SLC4A8: variants seen among roughly 807,000 people sequenced by gnomAD.
SLC4A8 encodes the protein electroneutral sodium bicarbonate exchanger 1.
In SLC4A8, 40 loss-of-function variants were observed where a neutral mutation model predicts 125.0. The observed-to-expected ratio is 0.32, with a 90% CI of 0.25 to 0.42. SLC4A8 has a LOEUF of 0.42. SLC4A8 is among the 10% of genes least tolerant of loss of function. The pLI is 1.00. For missense variants in SLC4A8, 863 were observed against 1,355.1 expected, an observed-to-expected ratio of 0.64 and a Z score of 5.70; for synonymous variants, 456 against 476.0, an observed-to-expected ratio of 0.96 and a Z score of 0.55.
At position 51,457,401 on chromosome 12, in the gene SLC4A8, A is replaced by C; in HGVS notation, c.625A>C (p.Arg209=). The C allele has an allele frequency of 6.2e-7, 1 of 1,614,000 alleles. No individual in the cohort carries two copies. The highest frequency in any genetic ancestry group is 8.5e-7 in the Non-Finnish European group (1 of 1,179,928). ...GTCCAGTGACCTGAATGACAGCATG[A>C]GGGTTAAAGTGCGGGAAGCCCTTCT... The part of the protein sequence containing the change: ...ELSSDLNDSM[R]VKVREALLKK... Residue 209 remains arginine (R), a synonymous_variant, in exon 6 of 25, where the codon AGG becomes CGG. Coordinates refer to ENST00000453097, the MANE Select transcript of SLC4A8 (RefSeq NM_001039960.3).
chr12:51,411,035 T>C (rs1310922336), intron 1 of SLC4A8, among the ~76,000 whole-genome samples: 3 of 136,612 alleles, frequency 2.2e-5, no homozygotes, highest in East Asian at 4.7e-4. Context: ...CCACTGCTCC[T>C]GGCCAATCTG....
chr12:51,445,101 A>C (rs1949731020), intron 2 of SLC4A8, among the ~76,000 whole-genome samples: 1 of 152,228 alleles, frequency 6.6e-6, no homozygotes, highest in African/African-American at 2.4e-5. Flanking sequence ...GTCCAGCTCT[A>C]TCTAGCTGTA....
chr12:51,470,848 C>T lies in SLC4A8; in HGVS notation c.1658+323C>T, dbSNP rs116500398. Reference sequence around the variant, plus strand: ...TCAATTTTTAATTTGGCCTAATATCCTCCCCCTGCTGTTTTTTTTTGTTTT... The same window carrying T: ...TCAATTTTTAATTTGGCCTAATATCTTCCCCCTGCTGTTTTTTTTTGTTTT... On this transcript the variant is annotated intron_variant, in intron 13 of 24. Transcript: ENST00000453097. Among the ~76,000 whole-genome samples, 1,331 of 150,088 alleles carry T rather than the reference C, an allele frequency of 8.9e-3. 16 individuals carry two copies. Among genetic ancestry groups the T allele is most frequent in the African/African-American group, 0.031 (1,263 of 40,978 alleles).
chr12:51,490,322 G>A (rs1187709567), intron 19 of SLC4A8, among the ~76,000 whole-genome samples: 1 of 151,992 alleles, frequency 6.6e-6, no homozygotes, highest in Non-Finnish European at 1.5e-5. Flanking sequence ...TTGGGAGGCT[G>A]AGGTGGGTGG....
chr12:51,489,568 CT>C, intron 18 of SLC4A8, 131 bp from the exon 19 acceptor site: 1 of 1,158,920 alleles, frequency 8.6e-7, no homozygotes, highest in Non-Finnish European at 1.2e-6. Flanking sequence ...CAAGACTCCT[CT>C]TGGATCCCTG....
intron 1 of SLC4A8, among the ~76,000 whole-genome samples, chr12:51,438,771 A>G (rs35269241): frequency 0.37 from 56,936 of 152,018 alleles, 10,978 homozygotes; most frequent in East Asian, 0.44. Context: ...TTTCTTCTTC[A>G]TATCCTTGCC....
chr12:51,423,493 G>A (rs1948841490), upstream of SLC4A8, among the ~76,000 whole-genome samples: 1 of 152,208 alleles, frequency 6.6e-6, no homozygotes, highest in African/African-American at 2.4e-5. Flanking sequence ...AAAACGCAGA[G>A]ACTAGACAGG....
At chr12:51,424,045 A>C (rs1948864514), upstream of SLC4A8, among the ~76,000 whole-genome samples, 1 of 35,410 alleles carries the variant, frequency 2.8e-5, no homozygotes, top group Non-Finnish European at 7.0e-5. Flanking sequence ...TCCAAAAAAA[A>C]AAAAAAAACA....
At chr12:51,426,752 A>T (rs1449100286) in intron 1 of SLC4A8, among the ~76,000 whole-genome samples, 1 of 151,994 alleles carries the variant, frequency 6.6e-6, no homozygotes, top group East Asian at 1.9e-4. Flanking sequence ...TTCTGGGGTT[A>T]TAACACACAG....
At chr12:51,507,276 A>T in intron 24 of SLC4A8, 150 bp from the exon 25 acceptor site, 1 of 492,554 alleles carries the variant, frequency 2.0e-6, no homozygotes, top group East Asian at 3.2e-5. Context: ...TATAACGCAC[A>T]TGGTTATTTT....
At chr12:51,409,912 A>AT (rs1335503161) in intron 1 of SLC4A8, among the ~76,000 whole-genome samples, 3 of 152,202 alleles carry the variant, frequency 2.0e-5, no homozygotes, top group Admixed American at 6.5e-5. Context: ...TTAAGAGGAA[A>AT]ATGTGGTATG....
intron 1 of SLC4A8, among the ~76,000 whole-genome samples, chr12:51,406,343 AGCCATAAAGCATTAT>A (rs1420515893): frequency 6.6e-6 from 1 of 152,228 alleles, no homozygotes; most frequent in Non-Finnish European, 1.5e-5. Context: ...GCAATGTGGA[AGCCATAAAGCATTAT>A]TGATGTGGGG....
intron 1 of SLC4A8, among the ~76,000 whole-genome samples, chr12:51,419,806 T>A (rs1948748865): frequency 6.6e-6 from 1 of 152,212 alleles, no homozygotes; most frequent in African/African-American, 2.4e-5. Context: ...CTCTCTCAGT[T>A]TGGAGCAAAG....
intron 21 of SLC4A8, 67 bp downstream of exon 21, chr12:51,495,185 C>A: frequency 7.3e-7 from 1 of 1,364,628 alleles, no homozygotes; most frequent in Non-Finnish European, 1.0e-6. Flanking sequence ...AATATTATAA[C>A]TTTAAAATTT....
chr12:51,435,408 A>G (rs1178587105), intron 1 of SLC4A8, among the ~76,000 whole-genome samples: 1 of 152,148 alleles, frequency 6.6e-6, no homozygotes, highest in Non-Finnish European at 1.5e-5. Flanking sequence ...TTTCAAAGTA[A>G]TGAGTTGGTT....
At chr12:51,425,999 T>C (rs866403454) in intron 1 of SLC4A8, among the ~76,000 whole-genome samples, 6 of 152,174 alleles carry the variant, frequency 3.9e-5, no homozygotes, top group Middle Eastern at 3.2e-3. Context: ...GTGTGGTTTC[T>C]GCCTTGGAAA....
At chr12:51,479,980 T>C in intron 16 of SLC4A8, 1 of 402,460 alleles carries the variant, frequency 2.5e-6, no homozygotes, top group South Asian at 1.8e-5. Flanking sequence ...TTTTTTTTTT[T>C]TTTTTTTTCA....
chr12:51,494,470 G>A (rs1186819176), intron 20 of SLC4A8: 1 of 148,918 alleles, frequency 6.7e-6, no homozygotes, highest in Non-Finnish European at 1.5e-5. Context: ...TATGAACTTG[G>A]GCAGGTTATT....
intron 1 of SLC4A8, among the ~76,000 whole-genome samples, chr12:51,399,403 C>A (rs1372603535): frequency 6.6e-6 from 1 of 152,176 alleles, no homozygotes; most frequent in Non-Finnish European, 1.5e-5. Context: ...TTGATTCTTT[C>A]TAGAAACATA....
Sources: gnomAD v4.1 joint callset for allele counts (sites outside exome capture counted in the v4.1 genomes callset) on GRCh38, gnomAD v4.1.1 for gene constraint, MANE v1.5 for transcripts, NCBI Gene and HGNC (gene_info 2026-07-23, HGNC 2026-07-21) for gene names.